PCDHA10: variants seen among roughly 807,000 people sequenced by gnomAD.
PCDHA10 encodes protocadherin alpha 10.
PCDHA10 carries 45 observed loss-of-function variants against 61.2 expected under a neutral mutation model. The ratio of observed to expected loss-of-function variants is 0.74; its 90% CI spans 0.58 to 0.94. The LOEUF is 0.94. Among genes scored for constraint, PCDHA10 ranks in the 40% least tolerant of loss-of-function variants. The probability of loss-of-function intolerance (pLI) is 0.00; values close to 1 mark genes in which losing one functional copy is unlikely to be tolerated. For synonymous variants in PCDHA10, 602 were observed against 548.8 expected, an observed-to-expected ratio of 1.10 and a Z score of -1.35; for missense variants, 1,278 against 1,236.2, an observed-to-expected ratio of 1.03 and a Z score of -0.51.
chr5:141,004,351 G>T (rs547017222), intron 3 of PCDHA10, among the ~76,000 whole-genome samples: 1 of 152,332 alleles, frequency 6.6e-6, no homozygotes, highest in African/African-American at 2.4e-5. Flanking sequence ...TGAGGGACTG[G>T]AGAGACCACA....
chr5:140,973,468 C>T (rs2096588845), intron 1 of PCDHA10, among the ~76,000 whole-genome samples: 1 of 152,202 alleles, frequency 6.6e-6, no homozygotes, highest in East Asian at 1.9e-4. Context: ...TTTTAGTTTG[C>T]AAATTTCATA....
At chr5:140,894,068 A>G (rs2064306594) in intron 1 of PCDHA10, among the ~76,000 whole-genome samples, 1 of 152,160 alleles carries the variant, frequency 6.6e-6, no homozygotes, top group Non-Finnish European at 1.5e-5. Context: ...TTTTAAATAC[A>G]TTTATTTTAT....
At chr5:140,870,956 G>A (rs1554164932) in intron 1 of PCDHA10, 1 of 1,613,634 alleles carries the variant, frequency 6.2e-7, no homozygotes, top group Non-Finnish European at 8.5e-7. Context: ...GGCGGCTCGC[G>A]CATCCCGTTC....
intron 1 of PCDHA10, among the ~76,000 whole-genome samples, chr5:140,921,151 AT>A (rs11299094): frequency 0.63 from 94,902 of 151,506 alleles, 30,179 homozygotes; most frequent in African/African-American, 0.71. Flanking sequence ...CAGCTAATGC[AT>A]TTTTTTTTTA....
chr5:140,959,408 A>C (rs1554224058), intron 1 of PCDHA10, among the ~76,000 whole-genome samples: 2 of 152,124 alleles, frequency 1.3e-5, no homozygotes, highest in Non-Finnish European at 1.5e-5. Context: ...TAAAGTGTTG[A>C]TTGATCTGAG....
chr5:140,976,505 C>A (rs538128648), intron 1 of PCDHA10, among the ~76,000 whole-genome samples: 1 of 152,004 alleles, frequency 6.6e-6, no homozygotes, highest in Non-Finnish European at 1.5e-5. Flanking sequence ...GAGCCAAGAT[C>A]GCGCCACTGC....
At chr5:140,912,237 A>T (rs2075827332) in intron 1 of PCDHA10, among the ~76,000 whole-genome samples, 2 of 152,122 alleles carry the variant, frequency 1.3e-5, no homozygotes, top group South Asian at 4.2e-4. Flanking sequence ...CACTGACTCA[A>T]ATGTTAATCT....
chr5:140,857,847 CTG>C lies in PCDHA10; in HGVS notation c.1800_1801del (p.Gly601IlefsTer8). 6.3e-7 allele frequency: 1 copy of C among 1,597,872 alleles called. No individual in the cohort carries two copies. Among genetic ancestry groups the C allele is most frequent in the Non-Finnish European group, 8.6e-7 (1 of 1,167,590 alleles). On this transcript the variant is annotated frameshift_variant, in exon 1 of 4. Coordinates refer to ENST00000307360, the MANE Select transcript of PCDHA10 (RefSeq NM_018901.4). LOFTEE classifies it high-confidence loss of function. ...AAGGTGCGCGCAGTGGACGCTGACT[CTG>C]GATACAACGCGTGGCTGTCGTATGA...
intron 3 of PCDHA10, among the ~76,000 whole-genome samples, chr5:140,997,680 G>A (rs954561672): frequency 6.6e-6 from 1 of 151,954 alleles, no homozygotes; most frequent in African/African-American, 2.4e-5. Context: ...GTGTGTGTGT[G>A]TGTGTGTGTG....
chr5:140,969,680 G>A (rs2096353475), intron 1 of PCDHA10, among the ~76,000 whole-genome samples: 1 of 152,204 alleles, frequency 6.6e-6, no homozygotes, highest in African/African-American at 2.4e-5. Context: ...TGAGACTCAA[G>A]GAGAAATGGC....
At chr5:140,903,061 C>T (rs2069972197) in intron 1 of PCDHA10, among the ~76,000 whole-genome samples, 1 of 152,052 alleles carries the variant, frequency 6.6e-6, no homozygotes, top group African/African-American at 2.4e-5. Context: ...GACTTCTTTT[C>T]CTTTGGGTAG....
chr5:140,975,514 C>T (rs549258421), intron 1 of PCDHA10, among the ~76,000 whole-genome samples: 2 of 152,304 alleles, frequency 1.3e-5, no homozygotes, highest in African/African-American at 4.8e-5. Flanking sequence ...TATGCAAAAT[C>T]TGCAGTGGAT....
At chr5:140,883,080 A>T in intron 1 of PCDHA10, 1 of 1,614,140 alleles carries the variant, frequency 6.2e-7, no homozygotes, top group Non-Finnish European at 8.5e-7. Flanking sequence ...GATCCTGATG[A>T]TGGTACAAAT....
At chr5:141,000,361 GTCTCTCTCTCTCTCTCTC>G (rs148596731) in intron 3 of PCDHA10, among the ~76,000 whole-genome samples, 25 of 26,446 alleles carry the variant, frequency 9.5e-4, no homozygotes, top group African/African-American at 4.9e-3. Context: ...GTCTCTCTCT[GTCTCTCTCTCTCTCTCTC>G]TCTCTCTCTC....
chr5:140,967,043 G>T (rs1477679213), intron 1 of PCDHA10: 2 of 1,611,990 alleles, frequency 1.2e-6, no homozygotes, highest in African/African-American at 2.7e-5. Context: ...CCTGGAGCTG[G>T]ACCTGACGAG....
chr5:140,981,101 G>A (rs1484209084), intron 2 of PCDHA10, among the ~76,000 whole-genome samples: 1 of 152,196 alleles, frequency 6.6e-6, no homozygotes, highest in Non-Finnish European at 1.5e-5. Flanking sequence ...TTTAATGAGT[G>A]AATTTCTACT....
At chr5:140,951,936 C>G (rs2153694375) in intron 1 of PCDHA10, among the ~76,000 whole-genome samples, 1 of 152,278 alleles carries the variant, frequency 6.6e-6, no homozygotes, top group Admixed American at 6.5e-5. Context: ...TCCCAAGATA[C>G]AGTGCGGGTA....
intron 1 of PCDHA10, among the ~76,000 whole-genome samples, chr5:140,878,853 A>G (rs565644052): frequency 1.3e-5 from 2 of 152,352 alleles, no homozygotes; most frequent in East Asian, 3.9e-4. Context: ...TCTGGGTTCA[A>G]CTGATCCTCC....
At chr5:140,866,158 A>G (rs560063709) in intron 1 of PCDHA10, 1 of 152,270 alleles carries the variant, frequency 6.6e-6, no homozygotes, top group East Asian at 1.9e-4. Context: ...ATAAGTAAGA[A>G]TCGTTTAACA....
Sources: allele counts gnomAD v4.1 joint callset (sites outside exome capture counted in the v4.1 genomes callset), GRCh38; gene constraint gnomAD v4.1.1; transcripts MANE v1.5; gene names NCBI Gene and HGNC (gene_info 2026-07-23, HGNC 2026-07-21).